The following FAM178B variants were observed in gnomAD, a reference collection of about 807,000 sequenced individuals.
FAM178B encodes the protein protein FAM178B.
A neutral mutation model predicts 91.7 loss-of-function variants in FAM178B; 82 were observed. The ratio of observed to expected loss-of-function variants is 0.89; its 90% confidence interval spans 0.75 to 1.07. The LOEUF is 1.07. Among genes scored for constraint, FAM178B ranks in the 50% least tolerant of loss-of-function variants. FAM178B has a pLI of 0.00. For synonymous variants in FAM178B, 368 were observed against 359.4 expected (o/e 1.02, Z -0.27); for missense variants, 769 against 846.7 (o/e 0.91, Z 1.14).
rs1199201578 is a variant in FAM178B, at chr2:96,951,491, G to A, written c.888-7C>T. On this transcript the variant is annotated splice_region_variant and splice_polypyrimidine_tract_variant and intron_variant, in intron 6 of 16. Coordinates refer to ENST00000490605, the MANE Select transcript of FAM178B (RefSeq NM_001122646.3). Reference sequence around the variant, plus strand: ...CTGTTGGGCTGGCGGGGAGCTGGGAGGCAGAGGGCTGAGGTTAGGGGAGGC... The same window carrying A: ...CTGTTGGGCTGGCGGGGAGCTGGGAAGCAGAGGGCTGAGGTTAGGGGAGGC... 1 of 1,550,028 alleles carries A rather than the reference G, an allele frequency of 6.5e-7. No individual in the cohort carries two copies. The highest frequency in any genetic ancestry group is 8.7e-7 in the Non-Finnish European group (1 of 1,145,670).
At chr2:96,896,034 T>C (rs1377340771) in intron 13 of FAM178B, among the ~76,000 whole-genome samples, 1 of 152,248 alleles carries the variant, frequency 6.6e-6, no homozygotes, top group African/African-American at 2.4e-5. Context: ...ACCATGGCTG[T>C]GCCACCTTCC....
intron 5 of FAM178B, among the ~76,000 whole-genome samples, chr2:96,961,807 G>A (rs1169828301): frequency 6.6e-6 from 1 of 152,106 alleles, no homozygotes; most frequent in Non-Finnish European, 1.5e-5. Context: ...GTACGGCCCT[G>A]ACCCACATCA....
At chr2:96,964,641 A>G (rs1178711141) in intron 5 of FAM178B, among the ~76,000 whole-genome samples, 1 of 122,668 alleles carries the variant, frequency 8.2e-6, no homozygotes, top group Non-Finnish European at 1.8e-5. Flanking sequence ...TTACTCTATC[A>G]AAGAAAGAGA....
chr2:96,972,211 G>C lies in FAM178B; in HGVS notation c.254C>G (p.Pro85Arg), dbSNP rs762145008. ...CGATGTGGGAGCTGGAGCCGAGGCA[G>C]GGCTGCAGGGCCGCCGGGCAGGGCA... Reference protein sequence around the residue: ...PRCPARRPCSPASAPAPTSPK... With the variant: ...PRCPARRPCSRASAPAPTSPK... The change falls in exon 3 of 17, where the codon CCT becomes CGT. Residue 85 changes from proline (P) to arginine (R), a missense_variant. Physicochemically the swap from Pro to Arg is moderately radical, Grantham distance 103 (BLOSUM62 -2). Transcript: ENST00000490605. 1 of 1,543,548 alleles carries C rather than the reference G, an allele frequency of 6.5e-7. No homozygotes were observed. The highest frequency in any genetic ancestry group is 8.7e-7 in the Non-Finnish European group (1 of 1,143,664).
At chr2:96,889,536 G>A (rs565202036) in intron 14 of FAM178B, among the ~76,000 whole-genome samples, 232 of 151,842 alleles carry the variant, frequency 1.5e-3, no homozygotes, top group African/African-American at 5.5e-3. Flanking sequence ...AAATTAGCCG[G>A]GCATGATGGT....
intron 1 of FAM178B, among the ~76,000 whole-genome samples, chr2:96,984,185 C>G (rs1276993506): frequency 2.0e-5 from 3 of 152,138 alleles, no homozygotes; most frequent in Non-Finnish European, 4.4e-5. Flanking sequence ...TGGTCTCGAT[C>G]TCCTGACCTT....
chr2:96,976,208 C>T (rs143884855), intron 1 of FAM178B, among the ~76,000 whole-genome samples: 1,732 of 151,928 alleles, frequency 0.011, 40 homozygotes, highest in African/African-American at 0.04. Context: ...GATTCTCCTG[C>T]CTCAGCCTCC....
intron 6 of FAM178B, among the ~76,000 whole-genome samples, chr2:96,955,442 C>T (rs560691921): frequency 4.6e-5 from 7 of 151,792 alleles, no homozygotes; most frequent in Admixed American, 6.6e-5. Context: ...ACCCAGGAGG[C>T]GGAGCTTGCA....
At chr2:96,883,808 CA>C (rs1373203502) in intron 14 of FAM178B, among the ~76,000 whole-genome samples, 2 of 152,176 alleles carry the variant, frequency 1.3e-5, no homozygotes, top group African/African-American at 2.4e-5. Context: ...TACCAGGAGC[CA>C]GGGGGGGTCC....
chr2:96,924,793 T>A lies in FAM178B; in HGVS notation c.1194-1210A>T, dbSNP rs911382295. Among the ~76,000 whole-genome samples the A allele has an allele frequency of 3.9e-5, 6 of 152,180 alleles. No homozygotes were observed. In the East Asian group the frequency reaches 1.2e-3, roughly 29 times the overall value. Reference sequence around the variant, plus strand: ...TAACAGTGGTAAGTGAAGATATTGATGACAACCACACTGCTGATGACAGCA... The same window carrying A: ...TAACAGTGGTAAGTGAAGATATTGAAGACAACCACACTGCTGATGACAGCA... On this transcript the variant is annotated intron_variant, in intron 9 of 16. Coordinates refer to ENST00000490605, the MANE Select transcript of FAM178B (RefSeq NM_001122646.3).
At chr2:96,902,835 C>T in intron 12 of FAM178B, 128 bp from the exon 13 acceptor site, 1 of 660,700 alleles carries the variant, frequency 1.5e-6, no homozygotes, top group Admixed American at 2.2e-5. Context: ...CAGCAAAGGG[C>T]TTTCTCCATT....
At chr2:96,964,505 G>T (rs1291559165) in intron 5 of FAM178B, among the ~76,000 whole-genome samples, 2 of 152,058 alleles carry the variant, frequency 1.3e-5, no homozygotes, top group Admixed American at 1.3e-4. Flanking sequence ...ACCCACCCTG[G>T]CCACACAGCT....
In FAM178B at chr2:96,951,367, T is replaced by C. The variant is rs1236603993; in HGVS notation, c.993+12A>G. On this transcript the variant is annotated intron_variant, in intron 7 of 16. Coordinates refer to ENST00000490605, the MANE Select transcript of FAM178B (RefSeq NM_001122646.3). Reference sequence around the variant, plus strand: ...CGCTCCCGCCACCTAGTGGCAGGCCTGCGGTCCTCACCTGGAACAGCCACT... The same window carrying C: ...CGCTCCCGCCACCTAGTGGCAGGCCCGCGGTCCTCACCTGGAACAGCCACT... 2 of 1,542,020 alleles carry C rather than the reference T, an allele frequency of 1.3e-6. No homozygotes were observed. The highest frequency in any genetic ancestry group is 2.4e-5 in the East Asian group (1 of 40,866).
chr2:96,917,990 C>G (rs1165748716), intron 12 of FAM178B, among the ~76,000 whole-genome samples: 3 of 151,904 alleles, frequency 2.0e-5, no homozygotes, highest in Admixed American at 2.0e-4. Context: ...CTGATGGACA[C>G]AAAGTAAAGC....
rs57498168 is a variant in FAM178B at position 96,959,199 on chromosome 2, GAAAAAAAAAAAAAA to G, written c.887+1075_887+1088del. Among the ~76,000 whole-genome samples the G allele has an allele frequency of 3.3e-4, 27 of 82,128 alleles. 1 individual carries two copies. Among genetic ancestry groups the G allele is most frequent in the Admixed American group, 6.0e-4 (4 of 6,716 alleles). The allele number at this position is 82,128 out of a possible 152,430, so 53.9% of individuals were successfully genotyped here. ...GGGTGACAGAGCGAGACTCAGTTTT[GAAAAAAAAAAAAAA>G]AAAAAAAAAAAAAGTAATCCTGCAA... On this transcript the variant is annotated intron_variant, in intron 6 of 16. Coordinates refer to ENST00000490605, the MANE Select transcript of FAM178B (RefSeq NM_001122646.3).
chr2:96,934,163 G>A (rs1464451310), intron 8 of FAM178B, among the ~76,000 whole-genome samples: 1 of 152,184 alleles, frequency 6.6e-6, no homozygotes, highest in African/African-American at 2.4e-5. Flanking sequence ...GGTGTTGGGT[G>A]GGGGACACAC....
chr2:96,896,603 A>G (rs1574209258), intron 13 of FAM178B, among the ~76,000 whole-genome samples: 1 of 152,174 alleles, frequency 6.6e-6, no homozygotes, highest in African/African-American at 2.4e-5. Context: ...AGAGGCAGGG[A>G]AGAGGTGGTG....
chr2:96,879,419 A>G (rs922253322), intron 14 of FAM178B, among the ~76,000 whole-genome samples: 7 of 152,066 alleles, frequency 4.6e-5, no homozygotes, highest in African/African-American at 1.4e-4. Flanking sequence ...CCCTGCCCTC[A>G]TCACCCGGCC....
At chr2:96,956,587 G>A (rs2082003092) in intron 6 of FAM178B, 1 of 152,156 alleles carries the variant, frequency 6.6e-6, no homozygotes, top group Non-Finnish European at 1.5e-5. Flanking sequence ...TTCAAGAGTT[G>A]ATTTTTTAAA....
Sources: gnomAD v4.1 joint callset for allele counts (sites outside exome capture counted in the v4.1 genomes callset) on GRCh38, gnomAD v4.1.1 for gene constraint, MANE v1.5 for transcripts, NCBI Gene and HGNC (gene_info 2026-07-23, HGNC 2026-07-21) for gene names.